The following KIAA1217 variants were observed in gnomAD, a reference collection of about 807,000 sequenced individuals.
KIAA1217 encodes the protein KIAA1217.
KIAA1217 carries 88 observed loss-of-function variants against 163.9 expected under a neutral mutation model. The observed-to-expected ratio is 0.54, with a 90% CI of 0.45 to 0.64. The LOEUF (loss-of-function observed/expected upper bound fraction) is 0.64, where lower values mean the gene tolerates loss of function less well. KIAA1217 is among the 30% of genes least tolerant of loss of function. The probability of loss-of-function intolerance (pLI) is 0.00; values close to 1 mark genes in which losing one functional copy is unlikely to be tolerated. For missense variants in KIAA1217, 2,372 were observed against 2,475.0 expected (o/e 0.96, Z 0.88); for synonymous variants, 903 against 923.1 (o/e 0.98, Z 0.39).
At chr10:24,443,611 C>T (rs528154115) in intron 5 of KIAA1217, among the ~76,000 whole-genome samples, 1 of 152,034 alleles carries the variant, frequency 6.6e-6, no homozygotes, top group Non-Finnish European at 1.5e-5. Flanking sequence ...GTCTTCTGTA[C>T]CATAATAACA....
chr10:23,705,066 T>A (rs960072843), intron 1 of KIAA1217, among the ~76,000 whole-genome samples: 1 of 152,180 alleles, frequency 6.6e-6, no homozygotes, highest in African/African-American at 2.4e-5. Context: ...TATCTTTTCA[T>A]GTGCTTATTG....
chr10:24,080,907 A>T (rs949584019), intron 2 of KIAA1217, among the ~76,000 whole-genome samples: 6 of 150,740 alleles, frequency 4.0e-5, no homozygotes, highest in African/African-American at 1.5e-4. Context: ...AATTACTGAG[A>T]TTATTGTACT....
At chr10:24,129,478 A>G (rs1405657535) in intron 2 of KIAA1217, among the ~76,000 whole-genome samples, 1 of 152,168 alleles carries the variant, frequency 6.6e-6, no homozygotes, top group Non-Finnish European at 1.5e-5. Flanking sequence ...GTGAGTATAA[A>G]TATATATTCA....
chr10:24,542,562 G>T, intron 17 of KIAA1217, 131 bp from the exon 18 acceptor site: 1 of 1,521,424 alleles, frequency 6.6e-7, no homozygotes, highest in Non-Finnish European at 8.9e-7. Context: ...TGTAGGCTTT[G>T]GATTGGTGTG....
chr10:24,337,605 CT>C (rs2046519865), intron 2 of KIAA1217, among the ~76,000 whole-genome samples: 1 of 56,186 alleles, frequency 1.8e-5, no homozygotes, highest in African/African-American at 9.3e-5. Context: ...CTTTTCTTTT[CT>C]TTTCTTTTCT....
chr10:23,818,912 A>G (rs1588884467), intron 1 of KIAA1217, among the ~76,000 whole-genome samples: 1 of 152,306 alleles, frequency 6.6e-6, no homozygotes, highest in East Asian at 1.9e-4. Context: ...TCAACAAAAC[A>G]AAGATGTGAG....
intron 2 of KIAA1217, among the ~76,000 whole-genome samples, chr10:24,275,329 C>A (rs1326641730): frequency 6.6e-6 from 1 of 152,178 alleles, no homozygotes; most frequent in Non-Finnish European, 1.5e-5. Context: ...TACACGCATG[C>A]AGGTGCACAC....
chr10:23,975,194 T>C (rs1049176802), intron 1 of KIAA1217, among the ~76,000 whole-genome samples: 1 of 152,166 alleles, frequency 6.6e-6, no homozygotes, highest in South Asian at 2.1e-4. Context: ...CAGAGGCAGA[T>C]ACTATTTTTA....
intron 2 of KIAA1217, among the ~76,000 whole-genome samples, chr10:24,021,796 G>A (rs989524364): frequency 2.6e-5 from 4 of 151,648 alleles, no homozygotes; most frequent in East Asian, 1.9e-4. Context: ...GAAATTGGCC[G>A]ATACAAATAT....
chr10:23,856,588 G>C (rs1031696060), intron 1 of KIAA1217, among the ~76,000 whole-genome samples: 2 of 152,256 alleles, frequency 1.3e-5, no homozygotes, highest in African/African-American at 4.8e-5. Flanking sequence ...CTGTCTTTTT[G>C]TTTGTCTGTG....
chr10:23,705,137 G>A (rs1437431647), intron 1 of KIAA1217, among the ~76,000 whole-genome samples: 1 of 151,964 alleles, frequency 6.6e-6, no homozygotes, highest in Non-Finnish European at 1.5e-5. Flanking sequence ...CTTTTAAATT[G>A]GTTTGTCTTT....
intron 14 of KIAA1217, among the ~76,000 whole-genome samples, chr10:24,528,502 T>A (rs1333222348): frequency 3.9e-5 from 6 of 151,904 alleles, no homozygotes; most frequent in Admixed American, 3.9e-4. Flanking sequence ...AATTTTTTTT[T>A]ATTTTTTTAG....
At chr10:23,935,504 A>G (rs538762280) in intron 1 of KIAA1217, among the ~76,000 whole-genome samples, 20 of 152,334 alleles carry the variant, frequency 1.3e-4, no homozygotes, top group Non-Finnish European at 2.2e-4. Context: ...CAAAAATTTT[A>G]TAAACTAGAT....
intron 2 of KIAA1217, among the ~76,000 whole-genome samples, chr10:24,117,519 A>G (rs1037858064): frequency 6.6e-6 from 1 of 151,956 alleles, no homozygotes; most frequent in Non-Finnish European, 1.5e-5. Flanking sequence ...AGTCCCAGCT[A>G]CTTGGGAGGT....
intron 5 of KIAA1217, among the ~76,000 whole-genome samples, chr10:24,439,244 G>T (rs1591951136): frequency 6.6e-6 from 1 of 152,228 alleles, no homozygotes; most frequent in East Asian, 1.9e-4. Flanking sequence ...GAGGTAAAAA[G>T]AAGATTAGCT....
intron 1 of KIAA1217, among the ~76,000 whole-genome samples, chr10:23,837,085 C>T (rs897997972): frequency 2.6e-5 from 4 of 152,136 alleles, no homozygotes; most frequent in Non-Finnish European, 4.4e-5. Flanking sequence ...TTATTTAGCT[C>T]CTCCTTATAA....
intron 1 of KIAA1217, among the ~76,000 whole-genome samples, chr10:23,808,199 C>T (rs929996856): frequency 1.3e-5 from 2 of 152,186 alleles, no homozygotes; most frequent in Non-Finnish European, 1.5e-5. Context: ...GAGACATCTA[C>T]AGTCATCACA....
intron 4 of KIAA1217, among the ~76,000 whole-genome samples, chr10:24,433,612 G>A (rs2059777550): frequency 6.6e-6 from 1 of 152,104 alleles, no homozygotes; most frequent in African/African-American, 2.4e-5. Flanking sequence ...GGAAACTAAG[G>A]CCCAAAAAGG....
At chr10:24,182,438 T>TCACACACACACACA (rs3222547) in intron 2 of KIAA1217, among the ~76,000 whole-genome samples, 8,383 of 144,640 alleles carry the variant, frequency 0.058, 311 homozygotes, top group Admixed American at 0.085. Context: ...CAAGACTCCA[T>TCACACACACACACA]CACACACACA....
Sources: allele counts gnomAD v4.1 joint callset (sites outside exome capture counted in the v4.1 genomes callset), GRCh38; gene constraint gnomAD v4.1.1; transcripts MANE v1.5; gene names NCBI Gene and HGNC (gene_info 2026-07-23, HGNC 2026-07-21).